Variants in IMMP2L observed in about 807,000 individuals in gnomAD.
IMMP2L encodes the protein inner mitochondrial membrane peptidase subunit 2.
Under a neutral mutation model 19.3 loss-of-function variants are expected in IMMP2L, and 18 were observed. The observed-to-expected ratio is 0.93, with a 90% confidence interval of 0.64 to 1.38. IMMP2L has a LOEUF of 1.38. Ranked by LOEUF, IMMP2L falls within the 40% of genes most tolerant of loss-of-function variation. The pLI is 0.00. For synonymous variants in IMMP2L, 76 were observed against 73.0 expected, an observed-to-expected ratio of 1.04 and a Z score of -0.21; for missense variants, 233 against 218.2, an observed-to-expected ratio of 1.07 and a Z score of -0.43.
intron 5 of IMMP2L, among the ~76,000 whole-genome samples, chr7:110,675,991 A>G (rs973949770): frequency 1.3e-5 from 2 of 152,194 alleles, no homozygotes; most frequent in Admixed American, 6.5e-5. Flanking sequence ...TCCTACTACT[A>G]AAATTAAACC....
At chr7:110,838,504 C>T (rs549931347) in intron 5 of IMMP2L, among the ~76,000 whole-genome samples, 1 of 152,118 alleles carries the variant, frequency 6.6e-6, no homozygotes, top group South Asian at 2.1e-4. Context: ...GAGGGCTCTA[C>T]TCTCATGAAT....
At chr7:111,087,951 A>G (rs1796498961) in intron 3 of IMMP2L, among the ~76,000 whole-genome samples, 1 of 152,180 alleles carries the variant, frequency 6.6e-6, no homozygotes. Flanking sequence ...CTAGGAGAAA[A>G]ATGACATGCA....
At chr7:111,035,636 G>A (rs1323784870) in intron 3 of IMMP2L, among the ~76,000 whole-genome samples, 1 of 152,170 alleles carries the variant, frequency 6.6e-6, no homozygotes, top group African/African-American at 2.4e-5. Context: ...ATGGACACAA[G>A]CTATGGCTAG....
chr7:110,935,782 T>C (rs1816035654), intron 4 of IMMP2L, among the ~76,000 whole-genome samples: 1 of 152,184 alleles, frequency 6.6e-6, no homozygotes, highest in Non-Finnish European at 1.5e-5. Context: ...AGCATCATGC[T>C]ACCTGAGTTC....
At chr7:110,670,728 A>C (rs1226079283) in intron 5 of IMMP2L, among the ~76,000 whole-genome samples, 1 of 151,852 alleles carries the variant, frequency 6.6e-6, no homozygotes, top group Non-Finnish European at 1.5e-5. Context: ...AAAAACCCCT[A>C]AACAACACAG....
At chr7:111,072,339 C>T (rs1795024583) in intron 3 of IMMP2L, among the ~76,000 whole-genome samples, 1 of 152,134 alleles carries the variant, frequency 6.6e-6, no homozygotes, top group Admixed American at 6.5e-5. Flanking sequence ...AAAAAGTTCA[C>T]CCTACAGTGG....
At chr7:110,765,174 T>C (rs1306762184) in intron 5 of IMMP2L, among the ~76,000 whole-genome samples, 4 of 152,168 alleles carry the variant, frequency 2.6e-5, no homozygotes, top group African/African-American at 4.8e-5. Flanking sequence ...ACATCTACTA[T>C]GTAAAAGCAG....
intron 3 of IMMP2L, among the ~76,000 whole-genome samples, chr7:111,134,311 T>A (rs1802128167): frequency 6.6e-6 from 1 of 152,018 alleles, no homozygotes; most frequent in African/African-American, 2.4e-5. Context: ...TAAAATCTTC[T>A]CTATTATGTT....
intron 5 of IMMP2L, among the ~76,000 whole-genome samples, chr7:110,871,729 T>C (rs982154379): frequency 6.6e-6 from 1 of 152,082 alleles, no homozygotes; most frequent in African/African-American, 2.4e-5. Flanking sequence ...ATTCAGAACT[T>C]TAATAGTTCT....
chr7:110,973,015 T>C (rs1265580162), intron 3 of IMMP2L, among the ~76,000 whole-genome samples: 2 of 152,030 alleles, frequency 1.3e-5, no homozygotes, highest in African/African-American at 2.4e-5. Flanking sequence ...TCCCAGTCAA[T>C]AGAATAGAAT....
chr7:111,490,625 C>T (rs1207832430), intron 2 of IMMP2L, among the ~76,000 whole-genome samples: 7 of 152,096 alleles, frequency 4.6e-5, no homozygotes, highest in Admixed American at 2.6e-4. Context: ...GCTATATCTA[C>T]ACTAATCAGT....
Position 111,279,307 on chromosome 7 carries a change from G to A in IMMP2L, c.239+207931C>T, listed in dbSNP as rs73201100. ...TAGTGAACCCCCAAAATGATATGCC[G>A]AAGTGCCAACTTCCAGAAACTGTAA... On this transcript the variant is annotated intron_variant, in intron 3 of 5. Coordinates refer to ENST00000405709, the MANE Select transcript of IMMP2L (RefSeq NM_032549.4). 7.2e-3 allele frequency among the ~76,000 whole-genome samples: 1,103 copies of A among 152,226 alleles called. 10 individuals carry two copies. Among genetic ancestry groups the A allele is most frequent in the Middle Eastern group, 0.02 (6 of 294 alleles).
chr7:111,308,141 A>ACACTGCGTTT (rs1823085739), intron 3 of IMMP2L, among the ~76,000 whole-genome samples: 1 of 151,970 alleles, frequency 6.6e-6, no homozygotes, highest in Non-Finnish European at 1.5e-5. Context: ...ACCAACATAG[A>ACACTGCGTTT]GAAAAAAATC....
At chr7:111,274,928 G>A (rs1043122767) in intron 3 of IMMP2L, among the ~76,000 whole-genome samples, 15 of 152,070 alleles carry the variant, frequency 9.9e-5, no homozygotes, top group African/African-American at 2.9e-4. Flanking sequence ...AAGCACTCAC[G>A]CTTGATCATT....
chr7:111,380,336 C>T (rs1040696559), intron 3 of IMMP2L, among the ~76,000 whole-genome samples: 3 of 151,856 alleles, frequency 2.0e-5, no homozygotes, highest in Admixed American at 6.6e-5. Context: ...CATGCTTCAG[C>T]CAGATAATGA....
At chr7:110,852,071 A>G (rs1364109212) in intron 5 of IMMP2L, among the ~76,000 whole-genome samples, 1 of 152,002 alleles carries the variant, frequency 6.6e-6, no homozygotes. Context: ...TTCACAAAAG[A>G]TTTGCCTTTG....
intron 3 of IMMP2L, among the ~76,000 whole-genome samples, chr7:111,409,513 A>C (rs1000116868): frequency 6.6e-6 from 1 of 151,818 alleles, no homozygotes; most frequent in African/African-American, 2.4e-5. Flanking sequence ...TTGCACATAC[A>C]TGCAAGTAAA....
intron 3 of IMMP2L, among the ~76,000 whole-genome samples, chr7:111,361,560 T>C (rs1272319271): frequency 1.3e-5 from 2 of 152,174 alleles, no homozygotes; most frequent in Non-Finnish European, 2.9e-5. Context: ...CCAAATTATA[T>C]CTGTCTTGTT....
intron 5 of IMMP2L, among the ~76,000 whole-genome samples, chr7:110,835,697 T>C (rs564592836): frequency 6.6e-5 from 10 of 152,250 alleles, no homozygotes; most frequent in Admixed American, 3.9e-4. Flanking sequence ...GTGAATTCAC[T>C]TGGTAGAAAT....
Sources: gnomAD v4.1 joint callset for allele counts (sites outside exome capture counted in the v4.1 genomes callset) on GRCh38, gnomAD v4.1.1 for gene constraint, MANE v1.5 for transcripts, NCBI Gene and HGNC (gene_info 2026-07-23, HGNC 2026-07-21) for gene names.